NUP85: variants seen among roughly 807,000 people sequenced by gnomAD.
NUP85 encodes nucleoporin 85.
Under a neutral mutation model 92.8 loss-of-function variants are expected in NUP85, and 23 were observed. That is an observed-to-expected ratio of 0.25 (90% confidence interval 0.18 to 0.35). NUP85 has a LOEUF of 0.35. Among genes scored for constraint, NUP85 ranks in the 10% least tolerant of loss-of-function variants. The pLI is 1.00. For missense variants in NUP85, 759 were observed against 822.8 expected, an observed-to-expected ratio of 0.92 and a Z score of 0.95; for synonymous variants, 314 against 306.9, an observed-to-expected ratio of 1.02 and a Z score of -0.24.
At chr17:75,232,830 C>A (rs1004425648) in intron 14 of NUP85, 21 bp from the exon 15 acceptor site, 27 of 1,608,660 alleles carry the variant, frequency 1.7e-5, no homozygotes, top group Non-Finnish European at 2.0e-5. Flanking sequence ...AGCCGTTTAC[C>A]TTTTCTTTTC....
At chr17:75,229,560 CAG>C (rs1376141421) in intron 11 of NUP85, among the ~76,000 whole-genome samples, 1 of 152,170 alleles carries the variant, frequency 6.6e-6, no homozygotes, top group Non-Finnish European at 1.5e-5. Context: ...CAGAATCCTT[CAG>C]AGTGAGAGAG....
At chr17:75,212,088 G>GTT (rs1555660422) in intron 4 of NUP85, 26 bp downstream of exon 4, 41 of 1,222,490 alleles carry the variant, frequency 3.4e-5, no homozygotes, top group Non-Finnish European at 4.3e-5. Context: ...GCGTGCGCGC[G>GTT]TGTGTGTGTG....
chr17:75,231,655 G>T lies in NUP85; in HGVS notation c.1244+17G>T, dbSNP rs868100581. 2 of 1,613,598 alleles carry T rather than the reference G, an allele frequency of 1.2e-6. No individual in the cohort carries two copies. Among genetic ancestry groups the T allele is most frequent in the African/African-American group, 2.7e-5 (2 of 74,902 alleles). ...TCATCCCAGGTAGGAAGGACCCCATGGGTGTGGGCTATGCGGGTGCTCTTC... is the reference window on the plus strand; with the variant it reads ...TCATCCCAGGTAGGAAGGACCCCATTGGTGTGGGCTATGCGGGTGCTCTTC... On this transcript the variant is annotated intron_variant, in intron 13 of 18. Transcript: ENST00000245544. This position sits in a 1 kb window ranked among gnomAD's most constrained non-coding sequence, Gnocchi z 4.6.
intron 3 of NUP85, 130 bp downstream of exon 3, chr17:75,210,115 C>A: frequency 1.2e-6 from 1 of 832,932 alleles, no homozygotes; most frequent in Non-Finnish European, 1.9e-6. Flanking sequence ...CTAGTTGAGG[C>A]ATGAGTACTG....
chr17:75,212,190 A>G (rs1008534420), intron 4 of NUP85, 128 bp downstream of exon 4: 1 of 410,640 alleles, frequency 2.4e-6, no homozygotes, highest in Non-Finnish European at 4.2e-6. Flanking sequence ...TTATTTTTCC[A>G]TCTTTCATAA....
At chr17:75,230,380 G>A (rs1333889100) in intron 11 of NUP85, among the ~76,000 whole-genome samples, 1 of 124,686 alleles carries the variant, frequency 8.0e-6, no homozygotes, top group Non-Finnish European at 1.6e-5. Context: ...TTTTTTTTGA[G>A]ATGGAGTCTC....
chr17:75,212,075 T>G lies in NUP85; in HGVS notation c.361+13T>G. ...CACCAGGTTGCAAGTAAGGACTGTG[T>G]GCGCGTGCGCGCGTGTGTGTGTGTG... On this transcript the variant is annotated intron_variant, in intron 4 of 18. Transcript: ENST00000245544. 1 of 1,506,972 alleles carries G rather than the reference T, an allele frequency of 6.6e-7. No individual in the cohort carries two copies. The highest frequency in any genetic ancestry group is 2.0e-5 in the Admixed American group (1 of 49,608). 93.4% of individuals were successfully genotyped at this position (1,506,972 alleles called of 1,614,324 possible).
chr17:75,235,176 G>A lies in NUP85; in HGVS notation c.1844G>A (p.Gly615Glu). ...TTGACGTCAAGAAGACCTGTGCATG[G>A]AGAATCTGATACCGAGCAGCTCCAG... ...EDLTSRRPVH[G>E]ESDTEQLQDD... Residue 615 changes from glycine (G) to glutamate (E), a missense_variant, in exon 18 of 19, where the codon GGA becomes GAA. Gly to Glu is a moderately conservative substitution (Grantham distance 98). Coordinates refer to ENST00000245544, the MANE Select transcript of NUP85 (RefSeq NM_024844.5). 6.2e-7 allele frequency: 1 copy of A among 1,614,030 alleles called. No homozygotes were observed.
intron 17 of NUP85, 143 bp downstream of exon 17, chr17:75,234,931 C>A: frequency 8.8e-7 from 1 of 1,140,636 alleles, no homozygotes. Flanking sequence ...CTCTGGGATT[C>A]CAGACTCACA....
In NUP85 at chr17:75,211,972, T is replaced by A. The variant is rs756987970; in HGVS notation, c.291-20T>A. ...CAAGATGTTCCAGGCTCATCTTGTG[T>A]GTTATTTCATTTTTTGTAGATTGGT... On this transcript the variant is annotated intron_variant, in intron 3 of 18. Transcript: ENST00000245544. 1 of 1,592,428 alleles carries A rather than the reference T, an allele frequency of 6.3e-7. No individual in the cohort carries two copies. The highest frequency in any genetic ancestry group is 1.7e-5 in the Admixed American group (1 of 59,082).
chr17:75,225,856 T>TG, intron 10 of NUP85, 27 bp downstream of exon 10: 1 of 1,549,614 alleles, frequency 6.5e-7, no homozygotes, highest in African/African-American at 1.4e-5. Flanking sequence ...TGGGCAAGGG[T>TG]GGGGGTAGGA....
chr17:75,218,846 T>C (rs1185718649), intron 7 of NUP85, among the ~76,000 whole-genome samples: 1 of 152,146 alleles, frequency 6.6e-6, no homozygotes, highest in African/African-American at 2.4e-5. Flanking sequence ...CTCCGCCTCC[T>C]GTGCGGTCCT....
chr17:75,221,101 T>C (rs970507073), intron 7 of NUP85, among the ~76,000 whole-genome samples: 4 of 152,098 alleles, frequency 2.6e-5, no homozygotes, highest in Non-Finnish European at 4.4e-5. Flanking sequence ...GCCAGGATGG[T>C]CTCGATCTGA....
intron 11 of NUP85, among the ~76,000 whole-genome samples, chr17:75,226,572 C>G (rs950044543): frequency 1.3e-5 from 2 of 152,034 alleles, no homozygotes; most frequent in Non-Finnish European, 2.9e-5. Context: ...GAGGCCCTAC[C>G]TCTTAATACT....
intron 6 of NUP85, 94 bp downstream of exon 6, chr17:75,215,917 A>C (rs376979983): frequency 2.3e-4 from 248 of 1,075,870 alleles, no homozygotes; most frequent in Non-Finnish European, 3.3e-4. Context: ...TGAGTGTTTT[A>C]TTCCTGAGAA....
intron 16 of NUP85, 83 bp from the exon 17 acceptor site, chr17:75,234,554 T>C: frequency 6.9e-7 from 1 of 1,447,950 alleles, no homozygotes; most frequent in Non-Finnish European, 9.6e-7. Context: ...TTCTCCTGTT[T>C]AGGGCCAGGG....
rs770538681 is a variant in NUP85 at position 75,231,971 on chromosome 17, C to T, written c.1388C>T (p.Thr463Ile). ...CGGATCTGTGAGCAGCGGCAGATGACTGAACAAGGTGAGCTGGCCCTGCTC... is the reference window on the plus strand; with the variant it reads ...CGGATCTGTGAGCAGCGGCAGATGATTGAACAAGGTGAGCTGGCCCTGCTC... ...VLRICEQRQM[T>I]EQVRSICKIL... is the part of the protein sequence containing the mutation. The change falls in exon 14 of 19, where the codon ACT becomes ATT. Residue 463 changes from threonine to isoleucine, a missense_variant. Transcript: ENST00000245544. This position sits in a 1 kb window ranked among gnomAD's most constrained non-coding sequence, Gnocchi z 4.6. 4.4e-5 allele frequency: 71 copies of T among 1,614,054 alleles called. No individual in the cohort carries two copies. The highest frequency in any genetic ancestry group is 5.6e-5 in the Non-Finnish European group (66 of 1,180,038).
rs1325114480 is a variant in NUP85 at position 75,226,042 on chromosome 17, T to G, written c.988-9T>G. On this transcript the variant is annotated splice_polypyrimidine_tract_variant and intron_variant, in intron 10 of 18. Transcript: ENST00000245544. ...CCTCAGGATTGAGTGTCTCATCACC[T>G]TTCCACAGTCCAGCCTGGACCTGTT... The G allele has an allele frequency of 6.2e-7, 1 of 1,614,026 alleles. No individual in the cohort carries two copies. The highest frequency in any genetic ancestry group is 1.7e-5 in the Admixed American group (1 of 60,014).
intron 14 of NUP85, 99 bp downstream of exon 14, chr17:75,232,078 C>T (rs2291031): frequency 0.16 from 208,786 of 1,315,326 alleles, 17,642 homozygotes; most frequent in Middle Eastern, 0.25. Context: ...CTCCTCCTCA[C>T]GAGCCACACT....
Sources: allele counts gnomAD v4.1 joint callset (sites outside exome capture counted in the v4.1 genomes callset), GRCh38; gene constraint gnomAD v4.1.1; non-coding constraint Gnocchi (gnomAD v3.1); transcripts MANE v1.5; gene names NCBI Gene and HGNC (gene_info 2026-07-23, HGNC 2026-07-21).